KIAA0319L: variants seen among roughly 807,000 people sequenced by gnomAD.
KIAA0319L encodes the protein KIAA0319 like, also known as dyslexia-associated protein KIAA0319-like protein.
In KIAA0319L, 55 loss-of-function variants were observed where a neutral mutation model predicts 120.1. The ratio of observed to expected loss-of-function variants is 0.46; its 90% CI spans 0.37 to 0.57. KIAA0319L has a LOEUF of 0.57. Among genes scored for constraint, KIAA0319L ranks in the 20% least tolerant of loss-of-function variants. KIAA0319L has a pLI of 0.00. For synonymous variants in KIAA0319L, 398 were observed against 471.9 expected (o/e 0.84, Z 2.03); for missense variants, 1,049 against 1,255.3 (o/e 0.84, Z 2.48).
At chr1:35,519,080 A>G (rs542002645) in intron 2 of KIAA0319L, among the ~76,000 whole-genome samples, 1 of 152,210 alleles carries the variant, frequency 6.6e-6, no homozygotes, top group South Asian at 2.1e-4. Flanking sequence ...CTTAAAACGA[A>G]TTATGTGGCA....
At chr1:35,496,946 CCAAAAAAAAAAA>C (rs1644831259) in intron 3 of KIAA0319L, among the ~76,000 whole-genome samples, 1 of 64,394 alleles carries the variant, frequency 1.6e-5, no homozygotes, top group African/African-American at 1.2e-4. Flanking sequence ...GATTGTGTCT[CCAAAAAAAAAAA>C]AAAAAAAAAA....
intron 20 of KIAA0319L, chr1:35,440,708 G>A (rs1641141611): frequency 1.0e-5 from 3 of 298,036 alleles, no homozygotes; most frequent in South Asian, 5.1e-5. Context: ...AGACTGGTCA[G>A]CAGTAAGAGA....
intron 2 of KIAA0319L, among the ~76,000 whole-genome samples, chr1:35,511,994 G>A (rs1645465140): frequency 6.6e-6 from 1 of 152,166 alleles, no homozygotes; most frequent in Non-Finnish European, 1.5e-5. Context: ...TCTAAGCCAG[G>A]CGTGGTGGCT....
chr1:35,481,609 C>A lies in KIAA0319L; in HGVS notation c.667-2397G>T, dbSNP rs191488931. Among the ~76,000 whole-genome samples the A allele has an allele frequency of 5.4e-4, 82 of 152,098 alleles. 1 individual carries two copies. The highest frequency in any genetic ancestry group is 1.9e-3 in the African/African-American group (79 of 41,498). On this transcript the variant is annotated intron_variant, in intron 3 of 20. Transcript: ENST00000325722. ...AAAGTTTATCCAAATTTTTACCCCC[C>A]CTTTTTAAAGCTTTATTAAGGTATA...
chr1:35,547,143 TAATA>T, intron 2 of KIAA0319L, among the ~76,000 whole-genome samples: 1 of 146,160 alleles, frequency 6.8e-6, no homozygotes, highest in East Asian at 2.0e-4. Context: ...TTTATATATG[TAATA>T]TATACATATA....
chr1:35,524,372 C>T (rs1217022113), intron 2 of KIAA0319L, among the ~76,000 whole-genome samples: 2 of 152,056 alleles, frequency 1.3e-5, no homozygotes, highest in Admixed American at 6.5e-5. Context: ...ATACAATTAT[C>T]GGGGTATAAA....
At position 35,448,195 on chromosome 1, in the gene KIAA0319L, T is replaced by A. The variant is rs1000669136; in HGVS notation, c.2491A>T (p.Ile831Phe). Residue 831 changes from isoleucine (I) to phenylalanine (F), a missense_variant, in exon 16 of 21, where the codon ATT becomes TTT. By Grantham distance (21) the Ile-to-Phe change is conservative (BLOSUM62 0). Transcript: ENST00000325722. The part of the protein sequence containing the change: ...VLDSDIIVQK[I>F]QPYTEQSTKM... ...TACCTCTGCTCCGTGTACGGCTGAATCTTTTGCACAATGATGTCGGAATCC... is the reference window on the plus strand; with the variant it reads ...TACCTCTGCTCCGTGTACGGCTGAAACTTTTGCACAATGATGTCGGAATCC... The A allele has an allele frequency of 3.1e-6, 5 of 1,613,494 alleles. No homozygotes were observed. The highest frequency in any genetic ancestry group is 4.2e-6 in the Non-Finnish European group (5 of 1,179,746).
intron 7 of KIAA0319L, among the ~76,000 whole-genome samples, chr1:35,464,971 C>T (rs764857128): frequency 3.3e-5 from 5 of 152,206 alleles, no homozygotes; most frequent in South Asian, 2.1e-4. Flanking sequence ...TGGGAACTTC[C>T]GCCTAGATTT....
intron 3 of KIAA0319L, among the ~76,000 whole-genome samples, chr1:35,498,225 T>C (rs1403571445): frequency 6.6e-6 from 1 of 151,656 alleles, no homozygotes; most frequent in Non-Finnish European, 1.5e-5. Flanking sequence ...CCCAGCTACT[T>C]GGGAGGCTGA....
At chr1:35,460,495 C>A (rs1428221581) in intron 8 of KIAA0319L, 58 bp from the exon 9 acceptor site, 1 of 1,515,536 alleles carries the variant, frequency 6.6e-7, no homozygotes, top group Admixed American at 2.0e-5. Context: ...AGCACTTATC[C>A]AGTTTACACA....
intron 8 of KIAA0319L, among the ~76,000 whole-genome samples, chr1:35,461,977 T>TCAAAACAAAA (rs200765617): frequency 2.4e-4 from 37 of 151,998 alleles, no homozygotes; most frequent in Admixed American, 2.1e-3. Context: ...TCTCAAAAAA[T>TCAAAACAAAA]CAAAACAAAA....
intron 7 of KIAA0319L, among the ~76,000 whole-genome samples, chr1:35,464,373 C>T (rs545186605): frequency 2.0e-5 from 3 of 152,258 alleles, no homozygotes; most frequent in South Asian, 2.1e-4. Context: ...GTGACTCTTG[C>T]TATGTTTTCG....
intron 16 of KIAA0319L, among the ~76,000 whole-genome samples, chr1:35,446,459 T>G (rs2149082007): frequency 6.6e-6 from 1 of 152,364 alleles, no homozygotes; most frequent in South Asian, 2.1e-4. Context: ...AAAGGTGTTA[T>G]ACTGACCATC....
At chr1:35,507,234 A>T in intron 2 of KIAA0319L, 99 bp from the exon 3 acceptor site, 1 of 1,257,100 alleles carries the variant, frequency 8.0e-7, no homozygotes, top group Non-Finnish European at 1.1e-6. Flanking sequence ...TATTTTGAAG[A>T]CGAGTTTTTA....
intron 3 of KIAA0319L, among the ~76,000 whole-genome samples, chr1:35,498,552 T>C (rs542098250): frequency 6.6e-6 from 1 of 152,242 alleles, no homozygotes; most frequent in African/African-American, 2.4e-5. Context: ...CCAATTCTCT[T>C]CTCTTCTTCC....
chr1:35,494,321 C>A (rs1258142265), intron 3 of KIAA0319L, among the ~76,000 whole-genome samples: 1 of 151,544 alleles, frequency 6.6e-6, no homozygotes, highest in Non-Finnish European at 1.5e-5. Flanking sequence ...TGGTGGTGGG[C>A]GCCTGTCATC....
intron 10 of KIAA0319L, among the ~76,000 whole-genome samples, chr1:35,455,340 C>T (rs1333783430): frequency 6.6e-6 from 1 of 152,186 alleles, no homozygotes; most frequent in Non-Finnish European, 1.5e-5. Context: ...AAGTTCAGCA[C>T]AGCCACCATC....
In KIAA0319L at chr1:35,460,365, ATCTTC is replaced by A; in HGVS notation, c.1362_1366del (p.Glu454AspfsTer3). 1 of 1,612,458 alleles carries A rather than the reference ATCTTC, an allele frequency of 6.2e-7. No homozygotes were observed. Among genetic ancestry groups the A allele is most frequent in the Non-Finnish European group, 8.5e-7 (1 of 1,178,514 alleles). On this transcript the variant is annotated frameshift_variant, in exon 9 of 21. Coordinates refer to ENST00000325722, the MANE Select transcript of KIAA0319L (RefSeq NM_024874.5). LOFTEE classifies it high-confidence loss of function. ...TTTTAATATGGCTGTATCTTCAGAA[ATCTTC>A]TCTTCTCTTAGAGGCCCCTTAAGTT... is the stretch of plus-strand genomic sequence containing the variant.
At chr1:35,557,472 C>T, upstream of KIAA0319L, 1 of 354,276 alleles carries the variant, frequency 2.8e-6, no homozygotes, top group Non-Finnish European at 5.6e-6. Flanking sequence ...GCCCTCCCGC[C>T]CCTCCCCCGG....
Sources: gnomAD v4.1 joint callset for allele counts (sites outside exome capture counted in the v4.1 genomes callset) on GRCh38, gnomAD v4.1.1 for gene constraint, MANE v1.5 for transcripts, NCBI Gene and HGNC (gene_info 2026-07-23, HGNC 2026-07-21) for gene names.